Variants in MGAT4C observed in about 807,000 individuals in gnomAD.
MGAT4C encodes the protein MGAT4 family member C.
MGAT4C carries 19 observed loss-of-function variants against 40.1 expected under a neutral mutation model. That is an observed-to-expected ratio of 0.47 (90% CI 0.33 to 0.70). MGAT4C has a LOEUF of 0.70. Ranked by LOEUF, MGAT4C falls within the 30% of genes least tolerant of loss-of-function variation. The probability of loss-of-function intolerance (pLI) is 0.02; values close to 1 mark genes in which losing one functional copy is unlikely to be tolerated. For synonymous variants in MGAT4C, 181 were observed against 187.1 expected, an observed-to-expected ratio of 0.97 and a Z score of 0.27; for missense variants, 491 against 563.2, an observed-to-expected ratio of 0.87 and a Z score of 1.30.
At chr12:86,514,772 G>T (rs1049310353) in intron 2 of MGAT4C, among the ~76,000 whole-genome samples, 1 of 152,052 alleles carries the variant, frequency 6.6e-6, no homozygotes, top group Non-Finnish European at 1.5e-5. Flanking sequence ...TGTAATCATT[G>T]GTTCCAGAGA....
chr12:86,706,092 T>C (rs1226783260), intron 2 of MGAT4C, among the ~76,000 whole-genome samples: 1 of 152,124 alleles, frequency 6.6e-6, no homozygotes, highest in Non-Finnish European at 1.5e-5. Flanking sequence ...GAAGACTGAA[T>C]ACTCTTAGAA....
At chr12:86,487,681 C>A (rs1482776505) in intron 2 of MGAT4C, among the ~76,000 whole-genome samples, 1 of 152,062 alleles carries the variant, frequency 6.6e-6, no homozygotes, top group African/African-American at 2.4e-5. Context: ...GACTTTTATG[C>A]CATTTGAAAT....
At chr12:86,774,368 C>CTCTCTT (rs1555227855) in intron 1 of MGAT4C, among the ~76,000 whole-genome samples, 3 of 87,954 alleles carry the variant, frequency 3.4e-5, no homozygotes, top group East Asian at 3.5e-4. Context: ...CTCTCTCTCT[C>CTCTCTT]TCTTTCTGTC....
intron 2 of MGAT4C, among the ~76,000 whole-genome samples, chr12:86,657,496 A>G (rs1482762124): frequency 6.6e-6 from 1 of 151,952 alleles, no homozygotes; most frequent in Non-Finnish European, 1.5e-5. Flanking sequence ...CAGGAAAATT[A>G]GAAAAGTAAA....
chr12:86,692,798 G>A (rs1950193715), intron 2 of MGAT4C, among the ~76,000 whole-genome samples: 2 of 152,158 alleles, frequency 1.3e-5, no homozygotes, highest in African/African-American at 2.4e-5. Context: ...GAAGAGGATA[G>A]TCTTTTTGAT....
chr12:86,068,307 A>G (rs1894754237), intron 1 of MGAT4C: 1 of 151,996 alleles, frequency 6.6e-6, no homozygotes, highest in African/African-American at 2.4e-5. Flanking sequence ...CTATCTCTAA[A>G]CTATCCTTTC....
At chr12:86,792,226 C>T (rs1458863643) in intron 1 of MGAT4C, among the ~76,000 whole-genome samples, 2 of 152,040 alleles carry the variant, frequency 1.3e-5, no homozygotes, top group Non-Finnish European at 2.9e-5. Context: ...ATACTTACTA[C>T]CTAAAAGATA....
chr12:86,686,598 G>A lies in MGAT4C; in HGVS notation c.-229+40611C>T, dbSNP rs113037792. 1.5e-3 allele frequency among the ~76,000 whole-genome samples: 230 copies of A among 152,262 alleles called. 1 individual carries two copies. Among genetic ancestry groups the A allele is most frequent in the African/African-American group, 5.4e-3 (223 of 41,560 alleles). On this transcript the variant is annotated intron_variant, in intron 2 of 7. Coordinates refer to the MGAT4C transcript ENST00000548651. Reference sequence around the variant, plus strand: ...TCTGCATCTATTGAGATAATCATGTGTTTTTTGTCATTGGTTCTGTGTCCG... The same window carrying A: ...TCTGCATCTATTGAGATAATCATGTATTTTTTGTCATTGGTTCTGTGTCCG...
At chr12:86,204,852 A>G (rs1950189575) in intron 1 of MGAT4C, among the ~76,000 whole-genome samples, 2 of 152,132 alleles carry the variant, frequency 1.3e-5, no homozygotes, top group South Asian at 4.1e-4. Context: ...TAAAAACATT[A>G]TTGAAAACCC....
At chr12:86,418,478 G>A (rs1402180347) in intron 3 of MGAT4C, among the ~76,000 whole-genome samples, 1 of 152,014 alleles carries the variant, frequency 6.6e-6, no homozygotes, top group African/African-American at 2.4e-5. Context: ...TGTAATCTCA[G>A]CTACTCAGGA....
intron 1 of MGAT4C, among the ~76,000 whole-genome samples, chr12:86,164,759 CAG>C (rs1886000781): frequency 2.0e-5 from 3 of 152,012 alleles, no homozygotes; most frequent in Non-Finnish European, 4.4e-5. Context: ...GCTACTGTTG[CAG>C]AGTGTGAGGG....
rs763482429 is a variant in MGAT4C, at chr12:86,774,317, T to TTCTTTCTTTCTTTCTTTCTTTC, written c.-261-47098_-261-47077dup. 1.2e-3 allele frequency among the ~76,000 whole-genome samples: 79 copies of TTCTTTCTTTCTTTCTTTCTTTC among 66,498 alleles called. 9 individuals carry two copies. Among genetic ancestry groups the TTCTTTCTTTCTTTCTTTCTTTC allele is most frequent in the Middle Eastern group, 6.5e-3 (1 of 154 alleles). The allele number at this position is 66,498 out of a possible 152,430, so 43.6% of individuals were successfully genotyped here. ...TTTCTTTCTTTCTTTCTTTCTTTCT[T>TTCTTTCTTTCTTTCTTTCTTTC]TCTTTCTTTCTTTCTTTCTTTCTGT... On this transcript the variant is annotated intron_variant, in intron 1 of 7. Transcript: ENST00000548651.
At chr12:86,642,783 C>T (rs1429856695) in intron 2 of MGAT4C, among the ~76,000 whole-genome samples, 2 of 151,164 alleles carry the variant, frequency 1.3e-5, no homozygotes, top group African/African-American at 4.8e-5. Context: ...TTTCATAAAA[C>T]ATTTTATATG....
chr12:86,643,311 T>C (rs980957047), intron 2 of MGAT4C, among the ~76,000 whole-genome samples: 6 of 151,818 alleles, frequency 4.0e-5, no homozygotes, highest in Non-Finnish European at 8.8e-5. Flanking sequence ...GATTCCAACA[T>C]ATGAAATTTG....
rs143793026 is a variant in MGAT4C, at chr12:86,031,379, G to T, written c.-7+18295C>A. ...TGCTGCATTCTTTTTCTCTGGTTTTGCTGACCTTTTATAGTGGTATTTATT... is the reference window on the plus strand; with the variant it reads ...TGCTGCATTCTTTTTCTCTGGTTTTTCTGACCTTTTATAGTGGTATTTATT... On this transcript the variant is annotated intron_variant, in intron 2 of 4. Transcript: ENST00000611864. Among the ~76,000 whole-genome samples, 326 of 151,772 alleles carry T rather than the reference G, an allele frequency of 2.1e-3. 2 individuals carry two copies. Among genetic ancestry groups the T allele is most frequent in the Middle Eastern group, 0.01 (3 of 294 alleles).
rs1198928059 is a variant in MGAT4C, at chr12:85,957,657, C to CAAAAAAAAAAAAAAAAGAAA, written c.*21612_*21631dup. On this transcript the variant is annotated 3_prime_UTR_variant, in exon 5 of 5. Transcript: ENST00000611864. ...TTTACTGTAGAGTTGAATAAGAAAG[C>CAAAAAAAAAAAAAAAAGAAA]AAAAAAAAAAAAAAAAGAAAAAAGA... 1 of 101,296 alleles carries CAAAAAAAAAAAAAAAAGAAA rather than the reference C, an allele frequency of 9.9e-6. No individual in the cohort carries two copies. The highest frequency in any genetic ancestry group is 1.9e-5 in the Non-Finnish European group (1 of 52,738). 6.3% of individuals were successfully genotyped at this position (101,296 alleles called of 1,614,324 possible). A position where few individuals can be genotyped will look rare whatever the true frequency, so the allele number is the denominator to read the frequency against.
intron 3 of MGAT4C, among the ~76,000 whole-genome samples, chr12:86,424,386 A>T (rs144333789): frequency 1.3e-3 from 201 of 152,282 alleles, no homozygotes; most frequent in African/African-American, 4.6e-3. Context: ...TGTTTTATTC[A>T]GTGTTCTTTT....
At chr12:86,455,112 A>T (rs1002898994) in intron 2 of MGAT4C, among the ~76,000 whole-genome samples, 1 of 152,120 alleles carries the variant, frequency 6.6e-6, no homozygotes, top group African/African-American at 2.4e-5. Context: ...TATCATTTTA[A>T]AACCTCTATG....
intron 1 of MGAT4C, among the ~76,000 whole-genome samples, chr12:86,837,724 C>T (rs1169691797): frequency 6.6e-6 from 1 of 152,080 alleles, no homozygotes; most frequent in Non-Finnish European, 1.5e-5. Flanking sequence ...AGCCCTAATA[C>T]TACATGTTTA....
Sources: gnomAD v4.1 joint callset for allele counts (sites outside exome capture counted in the v4.1 genomes callset) on GRCh38, gnomAD v4.1.1 for gene constraint, MANE v1.5 for transcripts, NCBI Gene and HGNC (gene_info 2026-07-23, HGNC 2026-07-21) for gene names.